Variants in SDK1 observed in about 807,000 individuals in gnomAD.
The protein encoded by SDK1 is sidekick cell adhesion molecule 1.
Under a neutral mutation model 245.5 loss-of-function variants are expected in SDK1, and 157 were observed. The observed-to-expected ratio is 0.64, with a 90% CI of 0.56 to 0.73. The LOEUF is 0.73. Ranked by LOEUF, SDK1 falls within the 30% of genes least tolerant of loss-of-function variation. The pLI is 0.00. For missense variants in SDK1, 3,583 were observed against 3,002.3 expected (o/e 1.19, Z -4.52); for synonymous variants, 1,647 against 1,278.5 (o/e 1.29, Z -6.15).
chr7:3,337,039 C>T (rs566556737), intron 1 of SDK1, among the ~76,000 whole-genome samples: 1 of 152,258 alleles, frequency 6.6e-6, no homozygotes, highest in Non-Finnish European at 1.5e-5. Flanking sequence ...TACAATTCTA[C>T]AGATCACTCA....
intron 4 of SDK1, among the ~76,000 whole-genome samples, chr7:3,794,132 TATC>T (rs753302866): frequency 2.0e-5 from 3 of 152,166 alleles, no homozygotes; most frequent in South Asian, 2.1e-4. Flanking sequence ...TTAAAAAAAG[TATC>T]ATGAGGTATT....
At chr7:4,160,085 G>A (rs528239045) in intron 31 of SDK1, among the ~76,000 whole-genome samples, 95 of 152,304 alleles carry the variant, frequency 6.2e-4, no homozygotes, top group African/African-American at 2.1e-3. Flanking sequence ...AACTGGAAAA[G>A]CCTTTCCGGT....
intron 44 of SDK1, among the ~76,000 whole-genome samples, chr7:4,260,756 G>A (rs1787946379): frequency 6.7e-6 from 1 of 148,298 alleles, no homozygotes; most frequent in Admixed American, 6.7e-5. Flanking sequence ...TGGAGAAGCT[G>A]GCTGCTCCGG....
At chr7:3,901,625 C>T (rs1218628059) in intron 5 of SDK1, among the ~76,000 whole-genome samples, 1 of 152,148 alleles carries the variant, frequency 6.6e-6, no homozygotes, top group African/African-American at 2.4e-5. Context: ...TGCATTTTTC[C>T]TTTGTGAGTT....
At chr7:3,566,607 G>A (rs1779928067) in intron 1 of SDK1, among the ~76,000 whole-genome samples, 1 of 151,894 alleles carries the variant, frequency 6.6e-6, no homozygotes, top group Non-Finnish European at 1.5e-5. Flanking sequence ...GTTCAATGAA[G>A]GTATCTGTAG....
chr7:4,155,472 G>A (rs1780670969), intron 30 of SDK1, among the ~76,000 whole-genome samples: 1 of 152,216 alleles, frequency 6.6e-6, no homozygotes, highest in African/African-American at 2.4e-5. Context: ...TGGAGAAAGA[G>A]GGGTTTCAAG....
intron 1 of SDK1, among the ~76,000 whole-genome samples, chr7:3,479,894 TGA>T (rs1165954486): frequency 3.9e-5 from 6 of 151,932 alleles, no homozygotes; most frequent in Non-Finnish European, 5.9e-5. Flanking sequence ...TTTCATTAAA[TGA>T]GAGACCTCTA....
chr7:3,496,512 G>T (rs1174894721), intron 1 of SDK1, among the ~76,000 whole-genome samples: 3 of 144,498 alleles, frequency 2.1e-5, no homozygotes, highest in Non-Finnish European at 4.5e-5. Flanking sequence ...ATCTTATTTT[G>T]CTCCCTAATT....
chr7:3,887,460 C>G (rs926156478), intron 5 of SDK1, among the ~76,000 whole-genome samples: 6 of 152,160 alleles, frequency 3.9e-5, no homozygotes, highest in Admixed American at 3.3e-4. Flanking sequence ...AATAATTGAG[C>G]AATCATGATC....
intron 27 of SDK1, among the ~76,000 whole-genome samples, chr7:4,130,836 C>T (rs984410933): frequency 6.6e-6 from 1 of 152,212 alleles, no homozygotes; most frequent in African/African-American, 2.4e-5. Context: ...CCCGCCACAA[C>T]ACCCACCCTG....
intron 1 of SDK1, among the ~76,000 whole-genome samples, chr7:3,316,497 A>G (rs1468775861): frequency 6.6e-6 from 1 of 152,212 alleles, no homozygotes; most frequent in African/African-American, 2.4e-5. Context: ...TGCATTTCTT[A>G]GAGCTTATCC....
intron 40 of SDK1, among the ~76,000 whole-genome samples, chr7:4,225,047 C>T (rs979042932): frequency 2.8e-5 from 4 of 143,344 alleles, no homozygotes; most frequent in African/African-American, 1.0e-4. Context: ...TACAGAAGGG[C>T]CTGGCTACGA....
At chr7:3,397,776 C>A (rs1227072612) in intron 1 of SDK1, among the ~76,000 whole-genome samples, 1 of 151,922 alleles carries the variant, frequency 6.6e-6, no homozygotes, top group Non-Finnish European at 1.5e-5. Flanking sequence ...AAAATTTGTT[C>A]TTAGGGTTTT....
At chr7:3,416,911 G>C (rs1245006583) in intron 1 of SDK1, among the ~76,000 whole-genome samples, 1 of 152,196 alleles carries the variant, frequency 6.6e-6, no homozygotes, top group Non-Finnish European at 1.5e-5. Context: ...GGTGGCTCAT[G>C]CCTGTAATCC....
intron 1 of SDK1, among the ~76,000 whole-genome samples, chr7:3,560,229 C>T (rs957274010): frequency 4.6e-5 from 7 of 152,270 alleles, no homozygotes; most frequent in East Asian, 3.9e-4. Context: ...TTTAGAAGTA[C>T]GTACTTCTAT....
At chr7:3,956,871 C>T (rs1281671115) in intron 7 of SDK1, among the ~76,000 whole-genome samples, 4 of 152,130 alleles carry the variant, frequency 2.6e-5, no homozygotes, top group Non-Finnish European at 4.4e-5. Context: ...TGTGGAGTGC[C>T]CGTCTCCCTG....
chr7:4,069,302 TG>T (rs1362320652), intron 20 of SDK1, among the ~76,000 whole-genome samples: 1 of 149,590 alleles, frequency 6.7e-6, no homozygotes, highest in Admixed American at 6.6e-5. Flanking sequence ...AACAGACATC[TG>T]TTTTTTTTCT....
chr7:3,617,141 A>AAT (rs539140272), intron 1 of SDK1, among the ~76,000 whole-genome samples: 3 of 152,182 alleles, frequency 2.0e-5, no homozygotes, highest in South Asian at 2.1e-4. Context: ...GAAATAGGTT[A>AAT]ATATATATAT....
At chr7:4,190,029 G>A (rs562280798) in intron 35 of SDK1, among the ~76,000 whole-genome samples, 4 of 151,478 alleles carry the variant, frequency 2.6e-5, no homozygotes, top group Admixed American at 1.3e-4. Context: ...TTCAGCTCCC[G>A]CTAGTGACAA....
Sources: allele counts gnomAD v4.1 joint callset (sites outside exome capture counted in the v4.1 genomes callset), GRCh38; gene constraint gnomAD v4.1.1; transcripts MANE v1.5; gene names NCBI Gene and HGNC (gene_info 2026-07-23, HGNC 2026-07-21).